GYPE: variants seen among roughly 807,000 people sequenced by gnomAD.
GYPE encodes glycophorin E (MNS blood group).
GYPE carries 8 observed loss-of-function variants against 11.6 expected under a neutral mutation model. That is an observed-to-expected ratio of 0.69 (90% CI 0.41 to 1.25). The LOEUF (loss-of-function observed/expected upper bound fraction) is 1.25, where lower values mean the gene tolerates loss of function less well. Ranked by LOEUF, GYPE falls within the 50% of genes most tolerant of loss-of-function variation. GYPE has a pLI of 0.01. For synonymous variants in GYPE, 28 were observed against 29.6 expected, an observed-to-expected ratio of 0.94 and a Z score of 0.18; for missense variants, 90 against 92.8, an observed-to-expected ratio of 0.97 and a Z score of 0.12.
chr4:143,895,326 AG>A (rs1245098656), intron 1 of GYPE, among the ~76,000 whole-genome samples: 1 of 152,226 alleles, frequency 6.6e-6, no homozygotes, highest in Admixed American at 6.5e-5. Context: ...TAGAAAATCA[AG>A]GTACAAAAAT....
chr4:143,904,804 G>GT (rs564030934), intron 1 of GYPE, among the ~76,000 whole-genome samples: 120 of 152,242 alleles, frequency 7.9e-4, no homozygotes, highest in African/African-American at 2.7e-3. Flanking sequence ...CCAAAATCAT[G>GT]TTTATTTAAT....
chr4:143,874,643 G>T (rs1743729191), intron 3 of GYPE, among the ~76,000 whole-genome samples: 1 of 152,158 alleles, frequency 6.6e-6, no homozygotes, highest in Non-Finnish European at 1.5e-5. Flanking sequence ...TGACTCCAAG[G>T]ATAAGGCAGT....
chr4:143,896,617 C>G (rs867242987), intron 1 of GYPE, among the ~76,000 whole-genome samples: 2,631 of 151,800 alleles, frequency 0.017, 89 homozygotes, highest in African/African-American at 0.059. Flanking sequence ...CAGGGATCTA[C>G]AACTAGAAAT....
intron 1 of GYPE, among the ~76,000 whole-genome samples, chr4:143,900,412 A>G (rs1484618560): frequency 1.7e-5 from 2 of 116,154 alleles, no homozygotes; most frequent in Non-Finnish European, 1.8e-5. Context: ...ACATAAAATT[A>G]CTATGACCCA....
At chr4:143,880,219 T>C (rs1417728437) in intron 2 of GYPE, among the ~76,000 whole-genome samples, 192 bp downstream of exon 2, 1 of 152,226 alleles carries the variant, frequency 6.6e-6, no homozygotes, top group Non-Finnish European at 1.5e-5. Context: ...CTCACAGTAT[T>C]ATTTCTGTGA....
chr4:143,873,077 A>G (rs1364583739), intron 3 of GYPE, among the ~76,000 whole-genome samples: 4 of 152,214 alleles, frequency 2.6e-5, no homozygotes, highest in Non-Finnish European at 4.4e-5. Flanking sequence ...GAGTAGAGAC[A>G]GGGAGACAAG....
At position 143,899,906 on chromosome 4, in the gene GYPE, C is replaced by T. The variant is rs10032170; in HGVS notation, c.37+5565G>A. Among the ~76,000 whole-genome samples the T allele has an allele frequency of 0.076, 602 of 7,904 alleles. 85 individuals are homozygous for T. The East Asian group carries it at 1, about 13-fold the overall frequency. 5.2% of individuals were successfully genotyped at this position (7,904 alleles called of 152,430 possible). A position where few individuals can be genotyped will look rare whatever the true frequency, so the allele number is the denominator to read the frequency against. ...TGACTTTAAATTTGGCAATCATTTT[C>T]AGATATGATATCAAAAGCGTAAGCA... On this transcript the variant is annotated intron_variant, in intron 1 of 3. Coordinates refer to ENST00000358615, the MANE Select transcript of GYPE (RefSeq NM_198682.3).
At chr4:143,894,197 A>T (rs1327889581) in intron 1 of GYPE, among the ~76,000 whole-genome samples, 1 of 151,166 alleles carries the variant, frequency 6.6e-6, no homozygotes, top group East Asian at 1.9e-4. Flanking sequence ...TGGTTATTCT[A>T]GTTATACATT....
intron 1 of GYPE, among the ~76,000 whole-genome samples, chr4:143,902,124 G>C (rs1744889384): frequency 6.6e-6 from 1 of 152,060 alleles, no homozygotes; most frequent in African/African-American, 2.4e-5. Context: ...GGCTAAACTA[G>C]TCTGCCACAA....
At chr4:143,897,437 C>A (rs1056247991) in intron 1 of GYPE, among the ~76,000 whole-genome samples, 1 of 151,778 alleles carries the variant, frequency 6.6e-6, no homozygotes, top group Admixed American at 6.6e-5. Flanking sequence ...CCGTTGCAGT[C>A]CAGCTTAGGC....
rs1743600437 is a variant in GYPE, at chr4:143,870,952, GAAAC to G, written c.*1306_*1309del. 6.6e-6 allele frequency: 1 copy of G among 152,028 alleles called. No individual in the cohort carries two copies. Among genetic ancestry groups the G allele is most frequent in the East Asian group, 1.9e-4 (1 of 5,184 alleles). The allele number at this position is 152,028 out of a possible 1,614,324, so 9.4% of individuals were successfully genotyped here. A position where few individuals can be genotyped will look rare whatever the true frequency, so the allele number is the denominator to read the frequency against. On this transcript the variant is annotated 3_prime_UTR_variant, in exon 4 of 4. Transcript: ENST00000358615. Reference sequence around the variant, plus strand: ...GATACTTACAATCATGACCAAAGGGGAAACAAACACATCTTTCTTACATAGTGGC... The same window carrying G: ...GATACTTACAATCATGACCAAAGGGGAAACACATCTTTCTTACATAGTGGC...
intron 1 of GYPE, among the ~76,000 whole-genome samples, chr4:143,896,029 C>T (rs1223566096): frequency 4.7e-4 from 72 of 152,202 alleles, no homozygotes; most frequent in Middle Eastern, 3.4e-3. Context: ...AAGACTTAAA[C>T]GTTAGACCTA....
intron 1 of GYPE, among the ~76,000 whole-genome samples, chr4:143,895,425 A>C: frequency 6.6e-6 from 1 of 151,828 alleles, no homozygotes; most frequent in Non-Finnish European, 1.5e-5. Flanking sequence ...AAGAGAATCA[A>C]ATACCTAGGA....
chr4:143,901,486 A>G (rs1744866786), intron 1 of GYPE, among the ~76,000 whole-genome samples: 1 of 151,728 alleles, frequency 6.6e-6, no homozygotes, highest in South Asian at 2.1e-4. Flanking sequence ...TTTTTTCAAC[A>G]TTTTTGCTTT....
chr4:143,881,387 T>G (rs757887564), intron 1 of GYPE, among the ~76,000 whole-genome samples: 11 of 152,100 alleles, frequency 7.2e-5, no homozygotes, highest in Admixed American at 7.2e-4. Flanking sequence ...AAAAGTAATA[T>G]AGATTCAATA....
chr4:143,893,220 G>A (rs1234399850), intron 1 of GYPE, among the ~76,000 whole-genome samples: 1 of 137,506 alleles, frequency 7.3e-6, no homozygotes, highest in East Asian at 2.1e-4. Flanking sequence ...ACATGAGATG[G>A]GTTTCCTGAA....
chr4:143,875,246 C>T (rs1743751145), intron 3 of GYPE: 1 of 491,786 alleles, frequency 2.0e-6, no homozygotes, highest in African/African-American at 1.9e-5. Flanking sequence ...TCTCATCTAT[C>T]CTACTGTAAT....
intron 1 of GYPE, among the ~76,000 whole-genome samples, chr4:143,901,107 C>A (rs1385885681): frequency 1.3e-5 from 2 of 152,106 alleles, no homozygotes; most frequent in Non-Finnish European, 2.9e-5. Context: ...CGGAACCTAA[C>A]CTGCTGTATA....
chr4:143,876,604 T>A, intron 3 of GYPE, 142 bp downstream of exon 3: 1 of 581,954 alleles, frequency 1.7e-6, no homozygotes, highest in Non-Finnish European at 3.2e-6. Flanking sequence ...AGAAACACAG[T>A]GACTTCTATG....
Sources: allele counts gnomAD v4.1 joint callset (sites outside exome capture counted in the v4.1 genomes callset), GRCh38; gene constraint gnomAD v4.1.1; transcripts MANE v1.5; gene names NCBI Gene and HGNC (gene_info 2026-07-23, HGNC 2026-07-21).